Variants in STX18 observed in about 807,000 individuals in gnomAD.
The protein encoded by STX18 is syntaxin 18, also known as syntaxin-18.
A neutral mutation model predicts 50.1 loss-of-function variants in STX18; 40 were observed. That is an observed-to-expected ratio of 0.80 (90% CI 0.62 to 1.04). STX18 has a LOEUF of 1.04. STX18 is among the 50% of genes least tolerant of loss of function. The pLI, the probability that STX18 is intolerant of heterozygous loss-of-function variation, is 0.00. For missense variants in STX18, 410 were observed against 415.8 expected (o/e 0.99, Z 0.12); for synonymous variants, 158 against 151.8 (o/e 1.04, Z -0.30).
rs1397486438 is a variant in STX18, at chr4:4,420,266, G to A, written c.913-137C>T. ...GTGTCGTTCCATCTGTGCTTACCTT[G>A]AATAGATGGCTTTTGAGATCCACCA... On this transcript the variant is annotated intron_variant, in intron 10 of 10. Coordinates refer to ENST00000306200, the MANE Select transcript of STX18 (RefSeq NM_016930.4). This position sits in a 1 kb window ranked among gnomAD's most constrained non-coding sequence, Gnocchi z 4.3. 5 of 647,740 alleles carry A rather than the reference G, an allele frequency of 7.7e-6. No individual in the cohort carries two copies. Among genetic ancestry groups the A allele is most frequent in the Non-Finnish European group, 8.1e-6 (3 of 372,624 alleles). The allele number at this position is 647,740 out of a possible 1,614,324, so 40.1% of individuals were successfully genotyped here.
chr4:4,440,268 T>C (rs1002851272), intron 5 of STX18, among the ~76,000 whole-genome samples: 3 of 152,272 alleles, frequency 2.0e-5, no homozygotes, highest in Non-Finnish European at 4.4e-5. Context: ...CATTTGTTAA[T>C]GGCTCATATA....
chr4:4,443,285 T>A (rs1378027207), intron 5 of STX18, among the ~76,000 whole-genome samples: 1 of 152,248 alleles, frequency 6.6e-6, no homozygotes, highest in Non-Finnish European at 1.5e-5. Flanking sequence ...TCCATCAACA[T>A]GGAACTGGTG....
intron 7 of STX18, among the ~76,000 whole-genome samples, chr4:4,432,914 C>A: frequency 6.6e-6 from 1 of 152,244 alleles, no homozygotes; most frequent in East Asian, 1.9e-4. Flanking sequence ...AGGTCCCCAG[C>A]CTGCACAACT....
chr4:4,424,476 T>C (rs1725139935), intron 8 of STX18, among the ~76,000 whole-genome samples: 2 of 152,018 alleles, frequency 1.3e-5, no homozygotes, highest in Admixed American at 1.3e-4. Flanking sequence ...CAGTGAAAGC[T>C]AGGCTGTCAG....
chr4:4,490,474 C>T (rs1728895529), intron 1 of STX18, among the ~76,000 whole-genome samples: 1 of 152,292 alleles, frequency 6.6e-6, no homozygotes, highest in South Asian at 2.1e-4. Flanking sequence ...ATTCTCTATA[C>T]AGTGGTATAT....
intron 5 of STX18, among the ~76,000 whole-genome samples, chr4:4,439,321 CCA>C (rs1393052459): frequency 2.0e-5 from 3 of 150,170 alleles, no homozygotes; most frequent in African/African-American, 7.4e-5. Context: ...TATACACATA[CCA>C]TATATACACA....
intron 3 of STX18, 150 bp from the exon 4 acceptor site, chr4:4,457,650 A>C (rs1160740572): frequency 3.1e-6 from 2 of 637,550 alleles, no homozygotes; most frequent in African/African-American, 3.7e-5. Flanking sequence ...CTACATTTTT[A>C]AAACAGTAAG....
chr4:4,481,059 T>C (rs778392706), intron 1 of STX18, among the ~76,000 whole-genome samples: 1 of 152,202 alleles, frequency 6.6e-6, no homozygotes, highest in African/African-American at 2.4e-5. Flanking sequence ...AGCTTTGTTT[T>C]TATGTGTCAC....
intron 1 of STX18, among the ~76,000 whole-genome samples, chr4:4,495,211 A>C (rs1729113169): frequency 6.6e-6 from 1 of 152,336 alleles, no homozygotes; most frequent in Admixed American, 6.5e-5. Context: ...TGTGAGGATG[A>C]AATGCAAAGG....
intron 5 of STX18, among the ~76,000 whole-genome samples, chr4:4,442,295 T>C (rs917185545): frequency 6.6e-6 from 1 of 151,998 alleles, no homozygotes; most frequent in African/African-American, 2.4e-5. Context: ...ATCAGAGATA[T>C]ACACATAAAA....
chr4:4,420,159 T>TA lies in STX18; in HGVS notation c.913-31dup, dbSNP rs771086307. 171 of 1,579,450 alleles carry TA rather than the reference T, an allele frequency of 1.1e-4. 1 individual carries two copies. The highest frequency in any genetic ancestry group is 8.8e-4 in the East Asian group (38 of 43,082). Reference sequence around the variant, plus strand: ...GCAGGGACGGGAGCACAGGTGTTTTTATCACACAGGATTTTGGTTTGAGCA... The same window carrying TA: ...GCAGGGACGGGAGCACAGGTGTTTTTAATCACACAGGATTTTGGTTTGAGCA... On this transcript the variant is annotated intron_variant, in intron 10 of 10. Transcript: ENST00000306200. This position sits in a 1 kb window ranked among gnomAD's most constrained non-coding sequence, Gnocchi z 4.3.
chr4:4,430,738 T>A (rs1725477997), intron 7 of STX18, among the ~76,000 whole-genome samples: 1 of 152,176 alleles, frequency 6.6e-6, no homozygotes, highest in African/African-American at 2.4e-5. Flanking sequence ...CATGGCAGTA[T>A]CCTTCTGGTG....
intron 2 of STX18, among the ~76,000 whole-genome samples, chr4:4,464,132 T>G (rs898849776): frequency 6.6e-6 from 1 of 152,218 alleles, no homozygotes; most frequent in Non-Finnish European, 1.5e-5. Flanking sequence ...CCTAAAAAGA[T>G]GCTCCTAATG....
At chr4:4,442,412 T>TCTAA (rs1019835236) in intron 5 of STX18, among the ~76,000 whole-genome samples, 1 of 151,644 alleles carries the variant, frequency 6.6e-6, no homozygotes, top group African/African-American at 2.4e-5. Flanking sequence ...TCACTTGAGG[T>TCTAA]CTAAGCCCAG....
At chr4:4,528,205 C>G (rs955147993) in intron 1 of STX18, among the ~76,000 whole-genome samples, 10 of 152,030 alleles carry the variant, frequency 6.6e-5, no homozygotes, top group African/African-American at 2.4e-4. Context: ...ATTAGTTGAC[C>G]CCTATCAGAA....
intron 1 of STX18, among the ~76,000 whole-genome samples, chr4:4,487,889 T>C (rs1027946959): frequency 1.3e-5 from 2 of 152,230 alleles, no homozygotes; most frequent in African/African-American, 2.4e-5. Context: ...AAGCCTGGCA[T>C]AGTTCCTAGC....
chr4:4,478,860 A>G (rs2108846366), intron 1 of STX18: 1 of 152,616 alleles, frequency 6.6e-6, no homozygotes, highest in Admixed American at 6.5e-5. Flanking sequence ...GCCAGCAGAG[A>G]GGGTATATTC....
chr4:4,445,876 A>T (rs1726375040), intron 5 of STX18, among the ~76,000 whole-genome samples: 2 of 152,224 alleles, frequency 1.3e-5, no homozygotes, highest in Admixed American at 6.5e-5. Flanking sequence ...AAATAGCAAA[A>T]ACAATACTGA....
chr4:4,464,543 G>C (rs1364910519), intron 2 of STX18, among the ~76,000 whole-genome samples: 1 of 152,090 alleles, frequency 6.6e-6, no homozygotes, highest in Non-Finnish European at 1.5e-5. Flanking sequence ...CTTTACCTAG[G>C]TAACTCGTAC....
Sources: gnomAD v4.1 joint callset for allele counts (sites outside exome capture counted in the v4.1 genomes callset) on GRCh38, gnomAD v4.1.1 for gene constraint, Gnocchi (gnomAD v3.1) non-coding constraint, MANE v1.5 for transcripts, NCBI Gene and HGNC (gene_info 2026-07-23, HGNC 2026-07-21) for gene names.